PTGS2: variants seen among roughly 807,000 people sequenced by gnomAD.
PTGS2 encodes the protein prostaglandin-endoperoxide synthase 2.
Under a neutral mutation model 63.8 loss-of-function variants are expected in PTGS2, and 14 were observed. The ratio of observed to expected loss-of-function variants is 0.22; its 90% CI spans 0.14 to 0.34. The LOEUF is 0.34. Among genes scored for constraint, PTGS2 ranks in the 10% least tolerant of loss-of-function variants. PTGS2 has a pLI of 1.00. For missense variants in PTGS2, 533 were observed against 738.5 expected (o/e 0.72, Z 3.23); for synonymous variants, 271 against 259.5 (o/e 1.04, Z -0.43).
rs1395961530 is a variant in PTGS2, at chr1:186,672,431, A to T, written c.*1922T>A. ...TCAGATTTCTAAAAATTTATTCACAAATCTTAATACAATCATTTCTTTGGA... is the reference window on the plus strand; with the variant it reads ...TCAGATTTCTAAAAATTTATTCACATATCTTAATACAATCATTTCTTTGGA... On this transcript the variant is annotated 3_prime_UTR_variant, in exon 10 of 10. Transcript: ENST00000367468. The T allele has an allele frequency of 6.6e-6, 1 of 152,436 alleles. No individual in the cohort carries two copies. The highest frequency in any genetic ancestry group is 2.4e-5 in the African/African-American group (1 of 41,444). 9.4% of individuals were successfully genotyped at this position (152,436 alleles called of 1,614,324 possible).
Position 186,679,426 on chromosome 1 carries a change from CAGCA to C in PTGS2, c.61_64del (p.Cys21ValfsTer12), listed in dbSNP as rs1665837874. On this transcript the variant is annotated frameshift_variant, in exon 2 of 10. Coordinates refer to ENST00000367468, the MANE Select transcript of PTGS2 (RefSeq NM_000963.4). LOFTEE classifies it high-confidence loss of function. ...ACCTCGGTTTTGACATGGGTGGGAACAGCAAGGATTTGCTGCAATTAAAGGACAG... is the reference window on the plus strand; with the variant it reads ...ACCTCGGTTTTGACATGGGTGGGAACAGGATTTGCTGCAATTAAAGGACAG... The C allele has an allele frequency of 6.2e-7, 1 of 1,613,552 alleles. No homozygotes were observed. The highest frequency in any genetic ancestry group is 1.3e-5 in the African/African-American group (1 of 74,920).
intron 9 of PTGS2, among the ~76,000 whole-genome samples, 177 bp from the exon 10 acceptor site, chr1:186,674,939 G>A (rs1046916851): frequency 2.0e-5 from 3 of 152,244 alleles, no homozygotes; most frequent in Non-Finnish European, 2.9e-5. Flanking sequence ...AGCACTTCGG[G>A]AGGCCGAAGC....
At position 186,678,295 on chromosome 1, in the gene PTGS2, C is replaced by G; in HGVS notation, c.423G>C (p.Val141=). Residue 141 remains valine (V), a synonymous_variant, in exon 4 of 10, where the codon GTG becomes GTC. Coordinates refer to ENST00000367468, the MANE Select transcript of PTGS2 (RefSeq NM_000963.4). ...CCAAGGGAGTCGGGCAATCATCAGGCACAGGAGGAAGGGCTCTAGTATAAT... is the reference window on the plus strand; with the variant it reads ...CCAAGGGAGTCGGGCAATCATCAGGGACAGGAGGAAGGGCTCTAGTATAAT... ...LSYYTRALPP[V]PDDCPTPLGV... 1.2e-6 allele frequency: 2 copies of G among 1,612,156 alleles called. No homozygotes were observed. The highest frequency in any genetic ancestry group is 1.3e-5 in the African/African-American group (1 of 74,908).
intron 5 of PTGS2, 120 bp from the exon 6 acceptor site, chr1:186,677,036 T>A: frequency 1.4e-6 from 1 of 739,690 alleles, no homozygotes; most frequent in Non-Finnish European, 2.2e-6. Flanking sequence ...AATTTTTAAA[T>A]AAAATATACA....
rs927528179 is a variant in PTGS2, at chr1:186,671,889, A to C, written c.*2464T>G. On this transcript the variant is annotated 3_prime_UTR_variant, in exon 10 of 10. Transcript: ENST00000367468. ...TATTTCCAGACTTATCTTTTACATAAGTTAAATACACATTTGTCTGAGGCA... is the reference window on the plus strand; with the variant it reads ...TATTTCCAGACTTATCTTTTACATACGTTAAATACACATTTGTCTGAGGCA... The C allele has an allele frequency of 2.0e-5, 3 of 152,152 alleles. No individual in the cohort carries two copies. The highest frequency in any genetic ancestry group is 1.3e-4 in the Admixed American group (2 of 15,276). 9.4% of individuals were successfully genotyped at this position (152,152 alleles called of 1,614,324 possible). A position where few individuals can be genotyped will look rare whatever the true frequency, so the allele number is the denominator to read the frequency against.
chr1:186,675,246 T>G lies in PTGS2; in HGVS notation c.1405+3A>C. 1 of 1,607,498 alleles carries G rather than the reference T, an allele frequency of 6.2e-7. No individual in the cohort carries two copies. The highest frequency in any genetic ancestry group is 8.5e-7 in the Non-Finnish European group (1 of 1,178,596). On this transcript the variant is annotated splice_donor_region_variant and intron_variant, in intron 9 of 9. Coordinates refer to ENST00000367468, the MANE Select transcript of PTGS2 (RefSeq NM_000963.4). ...ACGAAGAAGTTTAGAAACTGTTTCTTACCTGTAAGTTCTTCAAATGATTCA... is the reference window on the plus strand; with the variant it reads ...ACGAAGAAGTTTAGAAACTGTTTCTGACCTGTAAGTTCTTCAAATGATTCA...
chr1:186,680,261 C>T lies in PTGS2; in HGVS notation c.30G>A (p.Ala10=), dbSNP rs201912060. Residue 10 remains alanine (A), a synonymous_variant, in exon 1 of 10, where the codon GCG becomes GCA. Coordinates refer to ENST00000367468, the MANE Select transcript of PTGS2 (RefSeq NM_000963.4). ...CACCTGTATGGCTGAGCGCCAGGAC[C>T]GCGCACAGCAGCAGGGCGCGGGCGA... The part of the protein sequence containing the change: MLARALLLC[A]VLALSHTANP... 6.5e-7 allele frequency: 1 copy of T among 1,546,528 alleles called. No homozygotes were observed. The highest frequency in any genetic ancestry group is 8.7e-7 in the Non-Finnish European group (1 of 1,145,030).
rs749712692 is a variant in PTGS2 at position 186,675,325 on chromosome 1, C to G, written c.1329G>C (p.Gln443His). The G allele has an allele frequency of 6.2e-7, 1 of 1,614,214 alleles. No homozygotes were observed. The highest frequency in any genetic ancestry group is 1.7e-5 in the Admixed American group (1 of 60,026). ...ACTCATTAAAAGACTGGTATTTCAT[C>G]TGCCTGCTCTGGTCAATGGAAGCCT... ...VSQASIDQSRQMKYQSFNEYR... is the reference protein window; with the variant it reads ...VSQASIDQSRHMKYQSFNEYR... The change falls in exon 9 of 10, where the codon CAG becomes CAC. Residue 443 changes from glutamine (Q) to histidine (H), a missense_variant. Transcript: ENST00000367468.
rs202003593 is a variant in PTGS2 at position 186,673,108 on chromosome 1, A to C, written c.*1245T>G. The C allele has an allele frequency of 5.3e-5, 8 of 152,176 alleles. No homozygotes were observed. Among genetic ancestry groups the C allele is most frequent in the Non-Finnish European group, 8.8e-5 (6 of 68,002 alleles). The allele number at this position is 152,176 out of a possible 1,614,324, so 9.4% of individuals were successfully genotyped here. A position where few individuals can be genotyped will look rare whatever the true frequency, so the allele number is the denominator to read the frequency against. On this transcript the variant is annotated 3_prime_UTR_variant, in exon 10 of 10. Transcript: ENST00000367468. ...ATGGCTAAAAGAAGAAAAGAAAAGG[A>C]ACAGCATGCAGGTAGCCAGGCTTGA... is the stretch of plus-strand genomic sequence containing the variant.
At position 186,680,316 on chromosome 1, in the gene PTGS2, G is replaced by T. The variant is rs886318986; in HGVS notation, c.-26C>A. 7 of 1,526,978 alleles carry T rather than the reference G, an allele frequency of 4.6e-6. No individual in the cohort carries two copies. The highest frequency in any genetic ancestry group is 2.8e-5 in the African/African-American group (2 of 72,382). 94.6% of individuals were successfully genotyped at this position (1,526,978 alleles called of 1,614,324 possible). A position where few individuals can be genotyped will look rare whatever the true frequency, so the allele number is the denominator to read the frequency against. ...CGCAGCGGCGGGCAGGGCGCGGCGCGGGGGTAGGCTTTGCTGTCTGAGGGC... is the reference window on the plus strand; with the variant it reads ...CGCAGCGGCGGGCAGGGCGCGGCGCTGGGGTAGGCTTTGCTGTCTGAGGGC... On this transcript the variant is annotated 5_prime_UTR_variant, in exon 1 of 10. Transcript: ENST00000367468.
intron 5 of PTGS2, 72 bp downstream of exon 5, chr1:186,677,577 C>T (rs1218733564): frequency 7.3e-7 from 1 of 1,374,238 alleles, no homozygotes; most frequent in East Asian, 2.4e-5. Flanking sequence ...ATCTGTATAT[C>T]TCCTTTAATG....
intron 5 of PTGS2, among the ~76,000 whole-genome samples, chr1:186,677,138 TATTGAGCTTATATC>T (rs1201000014): frequency 6.6e-6 from 1 of 152,122 alleles, no homozygotes; most frequent in Non-Finnish European, 1.5e-5. Flanking sequence ...TAATATACTA[TATTGAGCTTATATC>T]ATATATATTA....
In PTGS2 at chr1:186,673,372, A is replaced by G. The variant is rs1665723953; in HGVS notation, c.*981T>C. On this transcript the variant is annotated 3_prime_UTR_variant, in exon 10 of 10. Coordinates refer to ENST00000367468, the MANE Select transcript of PTGS2 (RefSeq NM_000963.4). ...TACCAGGCCTGCAGTGCACAAGGAT[A>G]AAAAAAAGTTTGCTTCAAAAGTTTA... 1 of 152,046 alleles carries G rather than the reference A, an allele frequency of 6.6e-6. No individual in the cohort carries two copies. Among genetic ancestry groups the G allele is most frequent in the African/African-American group, 2.4e-5 (1 of 41,398 alleles). 9.4% of individuals were successfully genotyped at this position (152,046 alleles called of 1,614,324 possible).
rs200295049 is a variant in PTGS2 at position 186,673,002 on chromosome 1, A to T, written c.*1351T>A. 4 of 152,130 alleles carry T rather than the reference A, an allele frequency of 2.6e-5. No homozygotes were observed. The highest frequency in any genetic ancestry group is 9.7e-5 in the African/African-American group (4 of 41,448). 9.4% of individuals were successfully genotyped at this position (152,130 alleles called of 1,614,324 possible). ...GGTAAGAAAATATAGGCAGAGTCCA[A>T]AGAAAGTGAACTCTGATCTTAAAAC... On this transcript the variant is annotated 3_prime_UTR_variant, in exon 10 of 10. Coordinates refer to ENST00000367468, the MANE Select transcript of PTGS2 (RefSeq NM_000963.4).
chr1:186,680,285 G>A lies in PTGS2; in HGVS notation c.6C>T (p.Leu2=), dbSNP rs751430176. Residue 2 remains leucine (L), a synonymous_variant, in exon 1 of 10, where the codon CTC becomes CTT. Coordinates refer to ENST00000367468, the MANE Select transcript of PTGS2 (RefSeq NM_000963.4). M[L]ARALLLCAVL... ...CCGCGCACAGCAGCAGGGCGCGGGC[G>A]AGCATCGCAGCGGCGGGCAGGGCGC... 2 of 1,543,128 alleles carry A rather than the reference G, an allele frequency of 1.3e-6. No homozygotes were observed. Among genetic ancestry groups the A allele is most frequent in the Non-Finnish European group, 1.7e-6 (2 of 1,143,286 alleles).
In PTGS2 at chr1:186,674,230, CAGG is replaced by C. The variant is rs2102004417; in HGVS notation, c.*120_*122del. The C allele has an allele frequency of 5.2e-6, 3 of 574,712 alleles. No individual in the cohort carries two copies. Among genetic ancestry groups the C allele is most frequent in the Non-Finnish European group, 7.6e-6 (3 of 395,290 alleles). The allele number at this position is 574,712 out of a possible 1,614,324, so 35.6% of individuals were successfully genotyped here. A position where few individuals can be genotyped will look rare whatever the true frequency, so the allele number is the denominator to read the frequency against. On this transcript the variant is annotated 3_prime_UTR_variant, in exon 10 of 10. Transcript: ENST00000367468. ...ACAAGTATGACTCCTTTCTCCGCAA[CAGG>C]AGTACTGACTTCTGTTACAGAAGAT... is the stretch of plus-strand genomic sequence containing the variant.
Position 186,676,352 on chromosome 1 carries a change from T to C in PTGS2, c.970+115A>G, listed in dbSNP as rs1665780564. ...GTCATGCTTACATATTTAATGTATA[T>C]AGAATGTGTGAGTTTTCATTTACCA... On this transcript the variant is annotated intron_variant, in intron 7 of 9. Coordinates refer to ENST00000367468, the MANE Select transcript of PTGS2 (RefSeq NM_000963.4). 3.5e-6 allele frequency: 5 copies of C among 1,430,516 alleles called. No individual in the cohort carries two copies. In the Admixed American group the frequency reaches 6.1e-5, roughly 17 times the overall value. 88.6% of individuals were successfully genotyped at this position (1,430,516 alleles called of 1,614,324 possible).
In PTGS2 at chr1:186,674,251, CAGA is replaced by C. The variant is rs1665739688; in HGVS notation, c.*99_*101del. ...GCAACAGGAGTACTGACTTCTGTTA[CAGA>C]AGATGTTAAGTAACATAAGGAGTTT... On this transcript the variant is annotated 3_prime_UTR_variant, in exon 10 of 10. Coordinates refer to ENST00000367468, the MANE Select transcript of PTGS2 (RefSeq NM_000963.4). 1 of 770,070 alleles carries C rather than the reference CAGA, an allele frequency of 1.3e-6. No individual in the cohort carries two copies. Among genetic ancestry groups the C allele is most frequent in the African/African-American group, 1.8e-5 (1 of 54,938 alleles). The allele number at this position is 770,070 out of a possible 1,614,324, so 47.7% of individuals were successfully genotyped here.
rs547085837 is a variant in PTGS2, at chr1:186,677,342, A to G, written c.639+307T>C. Among the ~76,000 whole-genome samples, 5 of 152,334 alleles carry G rather than the reference A, an allele frequency of 3.3e-5. No homozygotes were observed. In the South Asian group the frequency reaches 1.0e-3, roughly 32 times the overall value. ...CATGGTACAATGTGTTTTTGAGGAC[A>G]TAACATTTTGCAGTACTAACATTTT... On this transcript the variant is annotated intron_variant, in intron 5 of 9. Coordinates refer to ENST00000367468, the MANE Select transcript of PTGS2 (RefSeq NM_000963.4).
Sources: gnomAD v4.1 joint callset for allele counts (sites outside exome capture counted in the v4.1 genomes callset) on GRCh38, gnomAD v4.1.1 for gene constraint, MANE v1.5 for transcripts, NCBI Gene and HGNC (gene_info 2026-07-23, HGNC 2026-07-21) for gene names.